The following GCH1 variants were observed in gnomAD, a reference collection of about 807,000 sequenced individuals.
The protein encoded by GCH1 is GTP cyclohydrolase 1.
Under a neutral mutation model 25.9 loss-of-function variants are expected in GCH1, and 5 were observed. The observed-to-expected ratio is 0.19, with a 90% CI of 0.10 to 0.41. The LOEUF is 0.41. Ranked by LOEUF, GCH1 falls within the 10% of genes least tolerant of loss-of-function variation. The probability of loss-of-function intolerance (pLI) is 1.00; values close to 1 mark genes in which losing one functional copy is unlikely to be tolerated. For missense variants in GCH1, 261 were observed against 336.5 expected (o/e 0.78, Z 1.75); for synonymous variants, 159 against 129.6 (o/e 1.23, Z -1.54).
chr14:54,866,115 TA>T (rs778878999), intron 1 of GCH1, among the ~76,000 whole-genome samples: 1,994 of 138,500 alleles, frequency 0.014, 22 homozygotes, highest in African/African-American at 0.036. Context: ...CAATAGACAT[TA>T]AAAAAAAAAA....
At chr14:54,899,012 T>A (rs766396027) in intron 1 of GCH1, among the ~76,000 whole-genome samples, 3 of 152,194 alleles carry the variant, frequency 2.0e-5, no homozygotes, top group Non-Finnish European at 2.9e-5. Flanking sequence ...CACATTACTC[T>A]AGGCCTACAC....
At chr14:54,847,281 C>T in intron 3 of GCH1, 151 bp from the exon 4 acceptor site, 1 of 509,414 alleles carries the variant, frequency 2.0e-6, no homozygotes. Flanking sequence ...ATACAAGTAC[C>T]ACAGGGAGAT....
In GCH1 at chr14:54,844,140, G is replaced by A; in HGVS notation, c.630C>T (p.His210=). The change falls in exon 6 of 6, where the codon CAC becomes CAT. Residue 210 remains histidine, a synonymous_variant. Transcript: ENST00000491895. ...GTACACCTCGCATTACCATACACAT[G>A]TGTCTACAAAATAAGGCAACACAGG... ...AGVGVVVEAT[H]MCMVMRGVQK... is the part of the protein sequence containing the mutation. 2 of 1,609,442 alleles carry A rather than the reference G, an allele frequency of 1.2e-6. No individual in the cohort carries two copies. Among genetic ancestry groups the A allele is most frequent in the South Asian group, 1.1e-5 (1 of 90,986 alleles).
intron 1 of GCH1, among the ~76,000 whole-genome samples, chr14:54,893,058 G>A (rs1342977789): frequency 6.6e-6 from 1 of 152,210 alleles, no homozygotes; most frequent in Non-Finnish European, 1.5e-5. Flanking sequence ...CAGCCTGGGT[G>A]ACAGAGCAAG....
chr14:54,862,572 CTGTT>C (rs1332446577), intron 2 of GCH1, among the ~76,000 whole-genome samples: 15 of 114,404 alleles, frequency 1.3e-4, no homozygotes, highest in African/African-American at 4.5e-4. Flanking sequence ...TTTTGTTTGT[CTGTT>C]TGGTTGATTG....
intron 5 of GCH1, among the ~76,000 whole-genome samples, chr14:54,845,236 T>C (rs1427413409): frequency 6.6e-6 from 1 of 151,206 alleles, no homozygotes; most frequent in Admixed American, 6.6e-5. Context: ...TCCTAGCACT[T>C]TGGGAGGCCG....
chr14:54,852,937 G>C (rs1362218198), intron 3 of GCH1, among the ~76,000 whole-genome samples: 5 of 152,068 alleles, frequency 3.3e-5, no homozygotes, highest in African/African-American at 9.7e-5. Flanking sequence ...TGCCTGCAAG[G>C]ATACCTCTAT....
In GCH1 at chr14:54,843,562, T is replaced by G. The variant is rs893718600; in HGVS notation, c.*455A>C. On this transcript the variant is annotated 3_prime_UTR_variant, in exon 6 of 6. Transcript: ENST00000491895. ...AAAGTGAAGTCTGTTGAACTTGAAT[T>G]CACAGAGCAATACCGCACTAAATAT... 1 of 1,374,652 alleles carries G rather than the reference T, an allele frequency of 7.3e-7. No homozygotes were observed. The highest frequency in any genetic ancestry group is 1.5e-5 in the African/African-American group (1 of 68,304). 85.2% of individuals were successfully genotyped at this position (1,374,652 alleles called of 1,614,324 possible). A position where few individuals can be genotyped will look rare whatever the true frequency, so the allele number is the denominator to read the frequency against.
chr14:54,848,920 T>G (rs562801396), intron 3 of GCH1, among the ~76,000 whole-genome samples: 1 of 152,378 alleles, frequency 6.6e-6, no homozygotes, highest in Non-Finnish European at 1.5e-5. Flanking sequence ...TGATAGTTTT[T>G]CAGGTGATTA....
At chr14:54,859,832 A>G in intron 2 of GCH1, 96 bp from the exon 3 acceptor site, 5 of 744,268 alleles carry the variant, frequency 6.7e-6, no homozygotes, top group Admixed American at 1.9e-5. Context: ...GTACACTTTT[A>G]TGTAATTTAT....
chr14:54,865,373 T>G lies in GCH1; in HGVS notation c.407A>C (p.Asp136Ala). 1 of 1,593,092 alleles carries G rather than the reference T, an allele frequency of 6.3e-7. No homozygotes were observed. Reference protein sequence around the residue: ...HDEMVIVKDIDMFSMCEHHLV... With the variant: ...HDEMVIVKDIAMFSMCEHHLV... ...GTGATGCTCACACATGGAAAACATG[T>G]CTATGTCCTTCACAATCACCATCTC... The change falls in exon 2 of 6, where the codon GAC (aspartate) becomes GCC (alanine). Residue 136 changes from aspartate to alanine, a missense_variant. Physicochemically the swap from Asp to Ala is moderately radical, Grantham distance 126. Coordinates refer to ENST00000491895, the MANE Select transcript of GCH1 (RefSeq NM_000161.3).
chr14:54,885,565 T>C, intron 1 of GCH1: 1 of 389,598 alleles, frequency 2.6e-6, no homozygotes, highest in Non-Finnish European at 4.9e-6. Flanking sequence ...AGGTGAGGGA[T>C]GAATCCCTGA....
chr14:54,842,148 C>T lies in GCH1; in HGVS notation c.*1869G>A, dbSNP rs1034394892. Reference sequence around the variant, plus strand: ...AATTCTTAAAAATCCCCCAAATGGACTCAAGATCATGGATATGAAAAGGTA... The same window carrying T: ...AATTCTTAAAAATCCCCCAAATGGATTCAAGATCATGGATATGAAAAGGTA... On this transcript the variant is annotated 3_prime_UTR_variant, in exon 6 of 6. Transcript: ENST00000491895. 4 of 152,242 alleles carry T rather than the reference C, an allele frequency of 2.6e-5. No individual in the cohort carries two copies. Among genetic ancestry groups the T allele is most frequent in the Non-Finnish European group, 5.9e-5 (4 of 68,028 alleles). The allele number at this position is 152,242 out of a possible 1,614,324, so 9.4% of individuals were successfully genotyped here. A position where few individuals can be genotyped will look rare whatever the true frequency, so the allele number is the denominator to read the frequency against.
intron 2 of GCH1, among the ~76,000 whole-genome samples, chr14:54,861,666 T>C (rs2140067180): frequency 1.3e-5 from 2 of 149,880 alleles, no homozygotes; most frequent in Middle Eastern, 6.9e-3. Flanking sequence ...GAGGTTGCAG[T>C]GAGCCGAGAT....
intron 1 of GCH1, among the ~76,000 whole-genome samples, chr14:54,868,744 G>A (rs1209637485): frequency 6.6e-6 from 1 of 151,900 alleles, no homozygotes; most frequent in Non-Finnish European, 1.5e-5. Flanking sequence ...TGGGACTACA[G>A]GCGTCTGCCA....
chr14:54,894,928 C>T (rs1030483396), intron 1 of GCH1, among the ~76,000 whole-genome samples: 1 of 152,066 alleles, frequency 6.6e-6, no homozygotes, highest in Admixed American at 6.5e-5. Flanking sequence ...CTATAATATA[C>T]TTTAAAACTT....
chr14:54,865,896 C>T (rs940066893), intron 1 of GCH1, among the ~76,000 whole-genome samples: 6 of 152,138 alleles, frequency 3.9e-5, no homozygotes, highest in Admixed American at 6.5e-5. Context: ...CACCTGTAAA[C>T]CTGACCTCTA....
At chr14:54,897,721 C>A (rs1204390017) in intron 1 of GCH1, among the ~76,000 whole-genome samples, 1 of 152,164 alleles carries the variant, frequency 6.6e-6, no homozygotes, top group East Asian at 1.9e-4. Context: ...TCTCTGGATT[C>A]AAATACCAGC....
chr14:54,901,777 A>G (rs780696034), intron 1 of GCH1, among the ~76,000 whole-genome samples: 14 of 151,948 alleles, frequency 9.2e-5, no homozygotes, highest in Admixed American at 2.0e-4. Flanking sequence ...CAAAAAAAAA[A>G]GCACAACTCT....
Sources: gnomAD v4.1 joint callset for allele counts (sites outside exome capture counted in the v4.1 genomes callset) on GRCh38, gnomAD v4.1.1 for gene constraint, MANE v1.5 for transcripts, NCBI Gene and HGNC (gene_info 2026-07-23, HGNC 2026-07-21) for gene names.